The following ATAD2B variants were observed in gnomAD, a reference collection of about 807,000 sequenced individuals.
ATAD2B encodes ATPase family AAA domain containing 2B, also known as ATPase family AAA domain-containing protein 2B.
Under a neutral mutation model 167.6 loss-of-function variants are expected in ATAD2B, and 40 were observed. The ratio of observed to expected loss-of-function variants is 0.24; its 90% CI spans 0.19 to 0.31. The LOEUF (loss-of-function observed/expected upper bound fraction) is 0.31, where lower values mean the gene tolerates loss of function less well. Among genes scored for constraint, ATAD2B ranks in the 10% least tolerant of loss-of-function variants. The pLI is 1.00. For missense variants in ATAD2B, 1,242 were observed against 1,757.2 expected (o/e 0.71, Z 5.24); for synonymous variants, 579 against 596.5 (o/e 0.97, Z 0.43).
chr2:23,687,031 G>A, the ATAD2B span, among the ~76,000 whole-genome samples: 1 of 152,114 alleles, frequency 6.6e-6, no homozygotes, highest in African/African-American at 2.4e-5. Context: ...AGAAGCTGAT[G>A]TAACCATGTC....
At chr2:23,778,538 A>C (rs1034326752) in intron 22 of ATAD2B, among the ~76,000 whole-genome samples, 2 of 152,198 alleles carry the variant, frequency 1.3e-5, no homozygotes, top group Non-Finnish European at 2.9e-5. Flanking sequence ...TAAGAAACCA[A>C]CTTATAAAAA....
chr2:23,753,639 A>G (rs1675612655), intron 27 of ATAD2B, among the ~76,000 whole-genome samples: 2 of 152,178 alleles, frequency 1.3e-5, no homozygotes, highest in African/African-American at 2.4e-5. Flanking sequence ...TCTCATCTCT[A>G]AAAGTATCTC....
At chr2:23,704,185 C>G in the ATAD2B span, among the ~76,000 whole-genome samples, 1 of 152,242 alleles carries the variant, frequency 6.6e-6, no homozygotes, top group Non-Finnish European at 1.5e-5. Flanking sequence ...TGCCCCATCA[C>G]AGACAGAAGG....
Position 23,863,508 on chromosome 2 carries a change from G to A in ATAD2B, c.1352C>T (p.Ala451Val). The change falls in exon 12 of 28, where the codon GCC becomes GTC. Residue 451 changes from alanine to valine, a missense_variant. Coordinates refer to ENST00000238789, the MANE Select transcript of ATAD2B (RefSeq NM_017552.4). ...GPPGTGKTLV[A>V]RALANECSQG... is the part of the protein sequence containing the mutation. ...GCTGCATTCATTAGCTAATGCTCTG[G>A]CAACCAAGGTTTTACCTGTGCCAGG... The A allele has an allele frequency of 6.4e-7, 1 of 1,571,500 alleles. No homozygotes were observed. Among genetic ancestry groups the A allele is most frequent in the Non-Finnish European group, 8.6e-7 (1 of 1,157,396 alleles).
chr2:23,807,824 A>ATATATAT (rs1384785560), intron 18 of ATAD2B, among the ~76,000 whole-genome samples: 11 of 127,420 alleles, frequency 8.6e-5, no homozygotes, highest in African/African-American at 3.0e-4. Context: ...TTAAAAAAAA[A>ATATATAT]AAAAATATAT....
intron 7 of ATAD2B, among the ~76,000 whole-genome samples, chr2:23,880,088 T>G (rs1697644461): frequency 6.6e-6 from 1 of 151,814 alleles, no homozygotes; most frequent in Middle Eastern, 3.4e-3. Context: ...AGAGAGATAC[T>G]TTCCCTAAAG....
At chr2:23,688,946 C>G in the ATAD2B span, 5 of 152,230 alleles carry the variant, frequency 3.3e-5, no homozygotes, top group African/African-American at 1.2e-4. Context: ...GGTCCCTGTT[C>G]AGAGAGAAGA....
At chr2:23,798,407 T>C in intron 18 of ATAD2B, 84 bp from the exon 19 acceptor site, 2 of 1,103,916 alleles carry the variant, frequency 1.8e-6, no homozygotes, top group South Asian at 1.9e-5. Flanking sequence ...ACATGAAATA[T>C]GTCAGGCCTA....
intron 22 of ATAD2B, among the ~76,000 whole-genome samples, chr2:23,771,918 C>T (rs1169052065): frequency 6.6e-6 from 1 of 152,168 alleles, no homozygotes; most frequent in Admixed American, 6.5e-5. Flanking sequence ...AAACCCAAAC[C>T]ACTGTGGCCT....
the ATAD2B span, among the ~76,000 whole-genome samples, chr2:23,702,991 G>A: frequency 7.2e-5 from 11 of 152,238 alleles, no homozygotes; most frequent in African/African-American, 2.4e-4. Flanking sequence ...GAGGAAGGCC[G>A]AGAGGGCTAG....
At chr2:23,821,605 A>G (rs34525874) in intron 16 of ATAD2B, among the ~76,000 whole-genome samples, 68,499 of 151,992 alleles carry the variant, frequency 0.45, 16,352 homozygotes, top group East Asian at 0.78. Context: ...TTTACTATAT[A>G]TATTTTTAAT....
the ATAD2B span, among the ~76,000 whole-genome samples, chr2:23,687,859 A>G: frequency 2.0e-5 from 3 of 152,194 alleles, no homozygotes; most frequent in Non-Finnish European, 4.4e-5. Context: ...CCTGGGTCAC[A>G]GGAGCCTGGG....
Position 23,904,537 on chromosome 2 carries a change from C to CTT in ATAD2B, c.217-8569_217-8568dup, listed in dbSNP as rs34666567. Among the ~76,000 whole-genome samples the CTT allele has an allele frequency of 4.2e-3, 574 of 137,608 alleles. 3 individuals are homozygous for CTT. Among genetic ancestry groups the CTT allele is most frequent in the African/African-American group, 8.5e-3 (315 of 37,134 alleles). The allele number at this position is 137,608 out of a possible 152,430, so 90.3% of individuals were successfully genotyped here. A position where few individuals can be genotyped will look rare whatever the true frequency, so the allele number is the denominator to read the frequency against. ...GACTTGGAGGAAAGGATTTTCCTTC[C>CTT]TTTTTTTTTTTTTTTTTCTTTAAGA... On this transcript the variant is annotated intron_variant, in intron 1 of 27. Coordinates refer to ENST00000238789, the MANE Select transcript of ATAD2B (RefSeq NM_017552.4).
chr2:23,753,339 C>A (rs1376934310), intron 27 of ATAD2B, among the ~76,000 whole-genome samples: 1 of 152,110 alleles, frequency 6.6e-6, no homozygotes, highest in Non-Finnish European at 1.5e-5. Flanking sequence ...GAGACTTTGT[C>A]TTACTCATTT....
At chr2:23,906,450 A>G (rs1347250339) in intron 1 of ATAD2B, among the ~76,000 whole-genome samples, 1 of 152,152 alleles carries the variant, frequency 6.6e-6, no homozygotes, top group Non-Finnish European at 1.5e-5. Flanking sequence ...ATACAAAGAA[A>G]TATTAGAACT....
intron 1 of ATAD2B, among the ~76,000 whole-genome samples, chr2:23,911,043 A>G (rs1049722613): frequency 1.3e-5 from 2 of 150,550 alleles, no homozygotes; most frequent in African/African-American, 4.9e-5. Flanking sequence ...CCTGACCAAC[A>G]TGGAGAAACC....
intron 17 of ATAD2B, among the ~76,000 whole-genome samples, chr2:23,811,956 T>C (rs963297545): frequency 5.3e-5 from 8 of 152,020 alleles, no homozygotes; most frequent in Non-Finnish European, 1.2e-4. Context: ...TAAAGCTCCA[T>C]ACCAGAGAAA....
intron 19 of ATAD2B, among the ~76,000 whole-genome samples, chr2:23,795,156 A>C (rs1279916687): frequency 6.6e-6 from 1 of 152,212 alleles, no homozygotes; most frequent in Non-Finnish European, 1.5e-5. Context: ...AGATATAGAA[A>C]ATAAAGACAA....
Position 23,752,072 on chromosome 2 carries a change from C to A in ATAD2B, c.4351G>T (p.Val1451Phe). 1 of 1,561,530 alleles carries A rather than the reference C, an allele frequency of 6.4e-7. No individual in the cohort carries two copies. Among genetic ancestry groups the A allele is most frequent in the South Asian group, 1.2e-5 (1 of 84,832 alleles). The change falls in exon 28 of 28, where the codon GTT (valine) becomes TTT (phenylalanine). Residue 1451 changes from valine to phenylalanine, a missense_variant. By Grantham distance (50) the Val-to-Phe change is conservative (BLOSUM62 -1). Transcript: ENST00000238789. ...SQLVEEMERT[V>F]HMFETFL ...CATAGGAATGTCTCAAACATATGAA[C>A]TGTTCTTTCCATCTCCTATAAAAGG...
Sources: gnomAD v4.1 joint callset for allele counts (sites outside exome capture counted in the v4.1 genomes callset) on GRCh38, gnomAD v4.1.1 for gene constraint, MANE v1.5 for transcripts, NCBI Gene and HGNC (gene_info 2026-07-23, HGNC 2026-07-21) for gene names.